The following LPP variants were observed in gnomAD, a reference collection of about 807,000 sequenced individuals.
LPP encodes the protein LIM domain containing preferred translocation partner in lipoma, also known as lipoma-preferred partner.
In LPP, 38 loss-of-function variants were observed where a neutral mutation model predicts 60.4. The observed-to-expected ratio is 0.63, with a 90% CI of 0.49 to 0.83. LPP has a LOEUF of 0.83. LPP is among the 40% of genes least tolerant of loss of function. The pLI is 0.00. For synonymous variants in LPP, 328 were observed against 290.8 expected (o/e 1.13, Z -1.30); for missense variants, 902 against 783.6 (o/e 1.15, Z -1.80).
intron 6 of LPP, among the ~76,000 whole-genome samples, chr3:188,569,619 T>C (rs1211749397): frequency 5.3e-5 from 8 of 151,980 alleles, no homozygotes. Flanking sequence ...AGTAATCCAA[T>C]GATGTAGCCT....
intron 9 of LPP, among the ~76,000 whole-genome samples, chr3:188,814,536 T>C (rs1032376925): frequency 2.0e-5 from 3 of 152,220 alleles, no homozygotes; most frequent in African/African-American, 7.2e-5. Flanking sequence ...CCTCCTCACT[T>C]GAATTCCATG....
intron 3 of LPP, among the ~76,000 whole-genome samples, chr3:188,356,439 A>G (rs904918554): frequency 6.6e-6 from 1 of 152,180 alleles, no homozygotes; most frequent in Non-Finnish European, 1.5e-5. Flanking sequence ...GTAGAAATGA[A>G]GCTCCAATGA....
chr3:188,250,758 C>CTTTA (rs1353229857), intron 2 of LPP, among the ~76,000 whole-genome samples: 3 of 116,042 alleles, frequency 2.6e-5, no homozygotes, highest in African/African-American at 1.2e-4. Flanking sequence ...TTCTTTCTTT[C>CTTTA]TTTCTTTCTT....
intron 9 of LPP, among the ~76,000 whole-genome samples, chr3:188,768,394 G>A (rs1352832870): frequency 6.6e-6 from 1 of 152,118 alleles, no homozygotes; most frequent in Non-Finnish European, 1.5e-5. Flanking sequence ...GAAATCCTAA[G>A]TGAAATATTA....
Position 188,698,771 on chromosome 3 carries a change from A to G in LPP, c.1114-9496A>G, listed in dbSNP as rs372175409. Among the ~76,000 whole-genome samples the G allele has an allele frequency of 9.2e-5, 14 of 152,350 alleles. 1 individual carries two copies. Among genetic ancestry groups the G allele is most frequent in the East Asian group, 3.9e-4 (2 of 5,182 alleles). On this transcript the variant is annotated intron_variant, in intron 7 of 11. Coordinates refer to ENST00000617246, the MANE Select transcript of LPP (RefSeq NM_001375462.1). ...ACTTTACTATTTGTCTTTTGGTCCT[A>G]AAGGCGAGACTGTACAAGAATTAAT...
intron 6 of LPP, among the ~76,000 whole-genome samples, chr3:188,573,499 C>T (rs1833956444): frequency 6.6e-6 from 1 of 152,050 alleles, no homozygotes; most frequent in East Asian, 1.9e-4. Flanking sequence ...TGACTTACGT[C>T]GTAGCTTAGC....
At chr3:188,869,060 G>A (rs930508902) in intron 10 of LPP, among the ~76,000 whole-genome samples, 4 of 152,120 alleles carry the variant, frequency 2.6e-5, no homozygotes, top group South Asian at 2.1e-4. Context: ...CTTTGTGGAC[G>A]GAGAATGTCA....
chr3:188,569,320 T>C (rs1832960206), intron 6 of LPP, among the ~76,000 whole-genome samples: 1 of 151,780 alleles, frequency 6.6e-6, no homozygotes, highest in Non-Finnish European at 1.5e-5. Context: ...ATTGAAAGTT[T>C]GAGGAAAAAA....
chr3:188,337,714 G>A (rs146827735), intron 2 of LPP, among the ~76,000 whole-genome samples: 44 of 152,158 alleles, frequency 2.9e-4, no homozygotes, highest in African/African-American at 1.1e-3. Flanking sequence ...TGCCCAGGCT[G>A]CTCTCAAACT....
chr3:188,629,640 G>A (rs1847499124), intron 7 of LPP, among the ~76,000 whole-genome samples: 1 of 151,792 alleles, frequency 6.6e-6, no homozygotes, highest in Non-Finnish European at 1.5e-5. Context: ...TAAAATTTGG[G>A]GCAGTCATAC....
At chr3:188,824,424 T>C (rs1754828602) in intron 9 of LPP, among the ~76,000 whole-genome samples, 1 of 152,178 alleles carries the variant, frequency 6.6e-6, no homozygotes, top group Non-Finnish European at 1.5e-5. Context: ...TTTCAAATGC[T>C]CAAGAACCAT....
At chr3:188,866,862 C>G (rs1766763842) in intron 10 of LPP, among the ~76,000 whole-genome samples, 1 of 152,166 alleles carries the variant, frequency 6.6e-6, no homozygotes, top group Non-Finnish European at 1.5e-5. Context: ...TTATGGTGGA[C>G]AGACACAGAG....
intron 6 of LPP, among the ~76,000 whole-genome samples, chr3:188,596,999 T>A (rs1840114735): frequency 6.6e-6 from 1 of 152,162 alleles, no homozygotes; most frequent in African/African-American, 2.4e-5. Context: ...TACACTGAGA[T>A]CCACTTTGTT....
rs181102250 is a variant in LPP, at chr3:188,383,504, A to G, written c.-9-22608A>G. Among the ~76,000 whole-genome samples the G allele has an allele frequency of 2.4e-3, 364 of 152,318 alleles. 1 individual carries two copies. Among genetic ancestry groups the G allele is most frequent in the African/African-American group, 8.3e-3 (346 of 41,572 alleles). ...TTCATCTGAAAGATGTATACTATAT[A>G]TGGATGTCTTTGCAGTTTCTTCAGT... On this transcript the variant is annotated intron_variant, in intron 3 of 11. Transcript: ENST00000617246.
At chr3:188,503,419 T>C (rs1812504524) in intron 5 of LPP, among the ~76,000 whole-genome samples, 1 of 152,290 alleles carries the variant, frequency 6.6e-6, no homozygotes, top group East Asian at 1.9e-4. Context: ...TAAAAAAATA[T>C]TAGTTTCTTA....
intron 1 of LPP, among the ~76,000 whole-genome samples, chr3:188,210,166 A>T (rs1358860159): frequency 6.6e-6 from 1 of 152,234 alleles, no homozygotes; most frequent in Non-Finnish European, 1.5e-5. Flanking sequence ...CTCAGGTATT[A>T]TAAGTAATCT....
intron 1 of LPP, among the ~76,000 whole-genome samples, chr3:188,191,590 C>T (rs1728194151): frequency 6.6e-6 from 1 of 152,182 alleles, no homozygotes; most frequent in Non-Finnish European, 1.5e-5. Flanking sequence ...CAAATTCAGT[C>T]TGACCCCACA....
chr3:188,683,344 G>A (rs1859946705), intron 7 of LPP, among the ~76,000 whole-genome samples: 1 of 151,982 alleles, frequency 6.6e-6, no homozygotes, highest in Non-Finnish European at 1.5e-5. Flanking sequence ...AAATGACTTA[G>A]GAGACACATT....
At chr3:188,259,237 G>T (rs1425118603) in intron 2 of LPP, among the ~76,000 whole-genome samples, 3 of 152,092 alleles carry the variant, frequency 2.0e-5, no homozygotes, top group Non-Finnish European at 4.4e-5. Flanking sequence ...AATCACCGTG[G>T]CTCCCAGAGT....
Sources: gnomAD v4.1 joint callset for allele counts (sites outside exome capture counted in the v4.1 genomes callset) on GRCh38, gnomAD v4.1.1 for gene constraint, MANE v1.5 for transcripts, NCBI Gene and HGNC (gene_info 2026-07-23, HGNC 2026-07-21) for gene names.